Variants in REPS2 observed in about 807,000 individuals in gnomAD.
REPS2 encodes the protein RALBP1 associated Eps domain containing 2, also known as ralBP1-associated Eps domain-containing protein 2.
A neutral mutation model predicts 53.6 loss-of-function variants in REPS2; 23 were observed. That is an observed-to-expected ratio of 0.43 (90% CI 0.31 to 0.61). The LOEUF (loss-of-function observed/expected upper bound fraction) is 0.61, where lower values mean the gene tolerates loss of function less well. Among genes scored for constraint, REPS2 ranks in the 20% least tolerant of loss-of-function variants. The pLI, the probability that REPS2 is intolerant of heterozygous loss-of-function variation, is 0.11. For missense variants in REPS2, 446 were observed against 534.9 expected (o/e 0.83, Z 1.64); for synonymous variants, 238 against 218.6 (o/e 1.09, Z -0.78).
chrX:17,043,372 G>T (rs753979371), intron 5 of REPS2, among the ~76,000 whole-genome samples: 22 of 111,310 alleles, frequency 2.0e-4, no homozygotes, highest in Non-Finnish European at 3.4e-4. Context: ...GAGAGCCAAG[G>T]AATGGCCCAC....
intron 13 of REPS2, among the ~76,000 whole-genome samples, chrX:17,078,838 C>T (rs1176614683): frequency 1.8e-5 from 2 of 112,060 alleles, no homozygotes; most frequent in Admixed American, 9.5e-5. Flanking sequence ...GTTTGGAGCT[C>T]AGCTCAGCTG....
the REPS2 span, among the ~76,000 whole-genome samples, chrX:17,178,427 C>T: frequency 8.9e-6 from 1 of 112,264 alleles, no homozygotes; most frequent in Admixed American, 9.4e-5. Context: ...CCTTTCTTTG[C>T]TGACTGTGAA....
chrX:17,122,308 G>A (rs115891295), intron 14 of REPS2, among the ~76,000 whole-genome samples: 2,139 of 111,569 alleles, frequency 0.019, 48 homozygotes, highest in African/African-American at 0.067. Flanking sequence ...GGAATTATGC[G>A]GTATATACTC....
At chrX:17,117,983 G>T in intron 14 of REPS2, among the ~76,000 whole-genome samples, 1 of 79,968 alleles carries the variant, frequency 1.3e-5, no homozygotes, top group Non-Finnish European at 2.3e-5. Flanking sequence ...TTTTTGAGAC[G>T]GAGTCTCGCT....
At chrX:17,086,082 TC>T (rs201673994) in intron 13 of REPS2, among the ~76,000 whole-genome samples, 2,751 of 111,871 alleles carry the variant, frequency 0.025, 93 homozygotes, top group African/African-American at 0.086. Flanking sequence ...GTCTTTTTTT[TC>T]CTCTTTGCTT....
chrX:16,983,951 C>G (rs1172676944), intron 1 of REPS2, among the ~76,000 whole-genome samples: 2 of 112,942 alleles, frequency 1.8e-5, no homozygotes, highest in Non-Finnish European at 1.9e-5. Flanking sequence ...TATACTACCT[C>G]TTTAGCAGTG....
intron 5 of REPS2, among the ~76,000 whole-genome samples, chrX:17,032,529 T>C (rs1219077495): frequency 8.9e-6 from 1 of 111,878 alleles, no homozygotes; most frequent in Non-Finnish European, 1.9e-5. Context: ...ATTAGTCATG[T>C]AGATGAGGGG....
At chrX:17,099,426 G>T (rs1445609513) in intron 13 of REPS2, among the ~76,000 whole-genome samples, 1 of 111,463 alleles carries the variant, frequency 9.0e-6, no homozygotes, top group Non-Finnish European at 1.9e-5. Context: ...GAAGAAAGTT[G>T]TGCGTTGCGG....
intron 9 of REPS2, among the ~76,000 whole-genome samples, chrX:17,067,494 T>A (rs187445556): frequency 1.7e-4 from 19 of 112,106 alleles, no homozygotes; most frequent in African/African-American, 5.5e-4. Flanking sequence ...ATAGTTAGAA[T>A]GTGTGTTAAA....
chrX:17,111,848 T>G (rs2062975772), intron 14 of REPS2, among the ~76,000 whole-genome samples: 2 of 112,023 alleles, frequency 1.8e-5, no homozygotes, highest in Admixed American at 1.9e-4. Flanking sequence ...GTTCAAGAAT[T>G]TTTTTTGTAA....
chrX:17,024,177 C>T (rs1161776845), intron 3 of REPS2, among the ~76,000 whole-genome samples: 1 of 107,419 alleles, frequency 9.3e-6, no homozygotes, highest in Non-Finnish European at 1.9e-5. Flanking sequence ...GTAGTAGCTA[C>T]TGGGGGTGCT....
At chrX:16,960,265 G>A (rs1345744393) in intron 1 of REPS2, among the ~76,000 whole-genome samples, 1 of 111,001 alleles carries the variant, frequency 9.0e-6, no homozygotes, top group Non-Finnish European at 1.9e-5. Context: ...TACTTGGGAG[G>A]CTGAGGCAGC....
chrX:17,186,873 C>G, the REPS2 span, among the ~76,000 whole-genome samples: 1 of 110,388 alleles, frequency 9.1e-6, no homozygotes, highest in Admixed American at 9.7e-5. Context: ...CCACAAGTAC[C>G]TAAGACACAT....
At chrX:17,171,801 C>T in the REPS2 span, among the ~76,000 whole-genome samples, 1 of 111,377 alleles carries the variant, frequency 9.0e-6, no homozygotes, top group Non-Finnish European at 1.9e-5. Flanking sequence ...GCTGGAATTA[C>T]AGTCGTGATC....
intron 12 of REPS2, among the ~76,000 whole-genome samples, chrX:17,076,305 G>A (rs778947154): frequency 2.6e-4 from 29 of 111,775 alleles, no homozygotes; most frequent in Non-Finnish European, 5.3e-4. Context: ...CTCAGAGGTC[G>A]TTTTCTGCTT....
chrX:16,970,091 A>C (rs1044972442), intron 1 of REPS2, among the ~76,000 whole-genome samples: 1 of 112,085 alleles, frequency 8.9e-6, no homozygotes, highest in African/African-American at 3.2e-5. Flanking sequence ...CATCTTCTAC[A>C]TTCATCAGAT....
At chrX:17,065,860 C>T (rs2062218710) in intron 9 of REPS2, among the ~76,000 whole-genome samples, 1 of 111,564 alleles carries the variant, frequency 9.0e-6, no homozygotes, top group Non-Finnish European at 1.9e-5. Flanking sequence ...GCTGGGATTA[C>T]AGGCGTGAAC....
At chrX:16,950,268 T>C (rs2060491668) in intron 1 of REPS2, among the ~76,000 whole-genome samples, 1 of 111,932 alleles carries the variant, frequency 8.9e-6, no homozygotes, top group Non-Finnish European at 1.9e-5. Context: ...TACTACAATT[T>C]ATTTATTCAC....
chrX:17,059,251 C>A (rs1024997813), intron 8 of REPS2, among the ~76,000 whole-genome samples: 2 of 106,814 alleles, frequency 1.9e-5, no homozygotes, highest in African/African-American at 6.8e-5. Flanking sequence ...ACCTCATGAT[C>A]CACCCGCCTC....
Sources: allele counts gnomAD v4.1 joint callset (sites outside exome capture counted in the v4.1 genomes callset), GRCh38; gene constraint gnomAD v4.1.1; transcripts MANE v1.5; gene names NCBI Gene and HGNC (gene_info 2026-07-23, HGNC 2026-07-21).